Variants in PDZRN4 observed in about 807,000 individuals in gnomAD.
PDZRN4 encodes PDZ domain containing ring finger 4.
A neutral mutation model predicts 99.0 loss-of-function variants in PDZRN4; 70 were observed. That is an observed-to-expected ratio of 0.71 (90% CI 0.58 to 0.86). The LOEUF is 0.86. PDZRN4 is among the 40% of genes least tolerant of loss of function. PDZRN4 has a pLI of 0.00. For missense variants in PDZRN4, 1,474 were observed against 1,331.2 expected (o/e 1.11, Z -1.67); for synonymous variants, 551 against 501.6 (o/e 1.10, Z -1.32).
chr12:41,269,084 G>A (rs1951297533), intron 3 of PDZRN4, among the ~76,000 whole-genome samples: 1 of 152,136 alleles, frequency 6.6e-6, no homozygotes, highest in Non-Finnish European at 1.5e-5. Flanking sequence ...AAAGGAAATG[G>A]AATAAAATCT....
At chr12:41,514,771 T>C (rs974445277) in intron 5 of PDZRN4, among the ~76,000 whole-genome samples, 1 of 152,108 alleles carries the variant, frequency 6.6e-6, no homozygotes, top group African/African-American at 2.4e-5. Flanking sequence ...TTATAACAAA[T>C]GCCCTCTTGC....
intron 3 of PDZRN4, among the ~76,000 whole-genome samples, chr12:41,415,528 T>A (rs574524680): frequency 6.6e-6 from 1 of 152,178 alleles, no homozygotes; most frequent in Admixed American, 6.5e-5. Context: ...TAGGAAAATA[T>A]TGACCCTGTC....
intron 3 of PDZRN4, among the ~76,000 whole-genome samples, chr12:41,403,375 G>T (rs1952317801): frequency 6.6e-6 from 1 of 152,100 alleles, no homozygotes; most frequent in African/African-American, 2.4e-5. Flanking sequence ...TTAGAAAAAT[G>T]AATTTTGAAA....
chr12:41,482,958 T>G (rs1937701033), intron 3 of PDZRN4, among the ~76,000 whole-genome samples: 1 of 152,028 alleles, frequency 6.6e-6, no homozygotes. Context: ...ATGCAATTAT[T>G]TGTATTTATA....
rs186330703 is a variant in PDZRN4 at position 41,417,329 on chromosome 12, G to C, written c.844-89127G>C. Among the ~76,000 whole-genome samples the C allele has an allele frequency of 1.6e-3, 245 of 152,262 alleles. 2 individuals carry two copies. The highest frequency in any genetic ancestry group is 5.5e-3 in the African/African-American group (228 of 41,554). On this transcript the variant is annotated intron_variant, in intron 3 of 9. Coordinates refer to ENST00000402685, the MANE Select transcript of PDZRN4 (RefSeq NM_001164595.2). ...GCCATCTTTGGCCAGAGAAAATTTGGTAAGTGCCATTGCTAGCACAAACTG... is the reference window on the plus strand; with the variant it reads ...GCCATCTTTGGCCAGAGAAAATTTGCTAAGTGCCATTGCTAGCACAAACTG...
intron 3 of PDZRN4, among the ~76,000 whole-genome samples, chr12:41,464,184 G>A (rs542145661): frequency 6.6e-6 from 1 of 152,188 alleles, no homozygotes; most frequent in South Asian, 2.1e-4. Flanking sequence ...AGTCCTGAAC[G>A]AACACAGGGG....
At chr12:41,340,565 T>G (rs1022853391) in intron 3 of PDZRN4, among the ~76,000 whole-genome samples, 2 of 151,830 alleles carry the variant, frequency 1.3e-5, no homozygotes, top group South Asian at 4.1e-4. Flanking sequence ...TACTGTATAT[T>G]TTTAAATAAC....
intron 3 of PDZRN4, among the ~76,000 whole-genome samples, chr12:41,439,673 A>C (rs1952660660): frequency 6.6e-6 from 1 of 152,158 alleles, no homozygotes; most frequent in African/African-American, 2.4e-5. Flanking sequence ...AAATCTTGAG[A>C]AAATAGATAA....
chr12:41,562,849 T>C (rs1468674010), intron 7 of PDZRN4, among the ~76,000 whole-genome samples: 1 of 152,180 alleles, frequency 6.6e-6, no homozygotes, highest in African/African-American at 2.4e-5. Context: ...AAAATTCAAT[T>C]TTACTCTATG....
intron 3 of PDZRN4, among the ~76,000 whole-genome samples, chr12:41,201,375 T>C (rs564612890): frequency 2.0e-4 from 30 of 152,200 alleles, no homozygotes; most frequent in Admixed American, 3.3e-4. Flanking sequence ...TCTTCTCCAT[T>C]GTCAATAGAT....
intron 3 of PDZRN4, among the ~76,000 whole-genome samples, chr12:41,289,063 G>A (rs1442917917): frequency 6.6e-6 from 1 of 151,466 alleles, no homozygotes; most frequent in Non-Finnish European, 1.5e-5. Flanking sequence ...GAGGTGAGAT[G>A]GATATTTCAT....
intron 3 of PDZRN4, among the ~76,000 whole-genome samples, chr12:41,264,537 C>CTG (rs111680503): frequency 6.6e-6 from 1 of 151,960 alleles, no homozygotes; most frequent in Non-Finnish European, 1.5e-5. Flanking sequence ...CTCTGCCTCT[C>CTG]TGAGTTTTGA....
intron 5 of PDZRN4, 29 bp downstream of exon 5, chr12:41,509,942 T>A: frequency 9.4e-7 from 1 of 1,067,968 alleles, no homozygotes; most frequent in East Asian, 2.4e-5. Flanking sequence ...CACTTCACAT[T>A]TCTTCATGAA....
chr12:41,199,866 T>TGGG (rs1950803204), intron 3 of PDZRN4, among the ~76,000 whole-genome samples: 1 of 151,604 alleles, frequency 6.6e-6, no homozygotes, highest in Non-Finnish European at 1.5e-5. Flanking sequence ...TGTGGAAGGG[T>TGGG]GGGAGGAGGG....
At chr12:41,354,861 T>C (rs1392812964) in intron 3 of PDZRN4, among the ~76,000 whole-genome samples, 1 of 151,990 alleles carries the variant, frequency 6.6e-6, no homozygotes, top group African/African-American at 2.4e-5. Context: ...TTTTCGGACC[T>C]CCTGGAACAA....
chr12:41,419,346 T>C (rs994120369), intron 3 of PDZRN4, among the ~76,000 whole-genome samples: 1 of 152,154 alleles, frequency 6.6e-6, no homozygotes, highest in Non-Finnish European at 1.5e-5. Context: ...TAGTGTGCTA[T>C]GTTGAGACTT....
chr12:41,428,046 C>T (rs1952552532), intron 3 of PDZRN4, among the ~76,000 whole-genome samples: 1 of 152,116 alleles, frequency 6.6e-6, no homozygotes, highest in African/African-American at 2.4e-5. Context: ...CAAGATTACG[C>T]CATTGCACTT....
chr12:41,312,357 G>A (rs954070519), intron 3 of PDZRN4, among the ~76,000 whole-genome samples: 5 of 151,728 alleles, frequency 3.3e-5, no homozygotes, highest in Non-Finnish European at 4.4e-5. Flanking sequence ...TGTGGCAAAC[G>A]TTGGGTTTGT....
chr12:41,276,972 A>C (rs1016513971), intron 3 of PDZRN4, among the ~76,000 whole-genome samples: 1 of 152,200 alleles, frequency 6.6e-6, no homozygotes, highest in African/African-American at 2.4e-5. Context: ...AGATGGTAAC[A>C]AGAGGGGAAT....
Sources: allele counts gnomAD v4.1 joint callset (sites outside exome capture counted in the v4.1 genomes callset), GRCh38; gene constraint gnomAD v4.1.1; transcripts MANE v1.5; gene names NCBI Gene and HGNC (gene_info 2026-07-23, HGNC 2026-07-21).